The following AGAP1 variants were observed in gnomAD, a reference collection of about 807,000 sequenced individuals.
The protein encoded by AGAP1 is ArfGAP with GTPase domain, ankyrin repeat and PH domain 1.
AGAP1 carries 29 observed loss-of-function variants against 105.3 expected under a neutral mutation model. The ratio of observed to expected loss-of-function variants is 0.28; its 90% CI spans 0.21 to 0.38. The LOEUF (loss-of-function observed/expected upper bound fraction) is 0.38, where lower values mean the gene tolerates loss of function less well. Ranked by LOEUF, AGAP1 falls within the 10% of genes least tolerant of loss-of-function variation. AGAP1 has a pLI of 1.00. For missense variants in AGAP1, 998 were observed against 1,165.1 expected (o/e 0.86, Z 2.09); for synonymous variants, 509 against 485.9 (o/e 1.05, Z -0.63).
intron 16 of AGAP1, among the ~76,000 whole-genome samples, chr2:236,086,177 C>T (rs1332025977): frequency 6.6e-6 from 1 of 152,126 alleles, no homozygotes; most frequent in Non-Finnish European, 1.5e-5. Context: ...GTAAAGTATT[C>T]GGTGATTAAA....
Position 235,564,031 on chromosome 2 carries a change from G to A in AGAP1, c.163+69182G>A, listed in dbSNP as rs147321227. On this transcript the variant is annotated intron_variant, in intron 1 of 17. Coordinates refer to ENST00000304032, the MANE Select transcript of AGAP1 (RefSeq NM_001037131.3). Reference sequence around the variant, plus strand: ...TGTGGGAGAGTGCATGTGTCATGGCGAGTATGTGGCTCTGCGATTGGAGGA... The same window carrying A: ...TGTGGGAGAGTGCATGTGTCATGGCAAGTATGTGGCTCTGCGATTGGAGGA... Among the ~76,000 whole-genome samples the A allele has an allele frequency of 3.7e-4, 57 of 152,290 alleles. 1 individual carries two copies. The highest frequency in any genetic ancestry group is 7.9e-4 in the African/African-American group (33 of 41,556).
At chr2:236,106,764 C>T (rs867001869) in intron 16 of AGAP1, among the ~76,000 whole-genome samples, 5 of 152,250 alleles carry the variant, frequency 3.3e-5, no homozygotes, top group South Asian at 2.1e-4. Flanking sequence ...CTGCAGGTCT[C>T]GCAGGAGTAG....
chr2:235,902,638 A>G (rs2125004499), intron 10 of AGAP1, among the ~76,000 whole-genome samples: 1 of 152,340 alleles, frequency 6.6e-6, no homozygotes, highest in South Asian at 2.1e-4. Context: ...CAAGTTTGCC[A>G]CATACATAGA....
rs1291357333 is a variant in AGAP1 at position 235,874,408 on chromosome 2, C to T, written c.1051-8937C>T. Among the ~76,000 whole-genome samples, 1 of 152,200 alleles carries T rather than the reference C, an allele frequency of 6.6e-6. No homozygotes were observed. Among genetic ancestry groups the T allele is most frequent in the East Asian group, 1.9e-4 (1 of 5,186 alleles). On this transcript the variant is annotated intron_variant, in intron 9 of 17. Coordinates refer to ENST00000304032, the MANE Select transcript of AGAP1 (RefSeq NM_001037131.3). This position sits in a 1 kb window ranked among gnomAD's most constrained non-coding sequence, Gnocchi z 4.5. The stretch of plus-strand genomic sequence containing the variant: ...ACCTGGTGATGTAGAAGGAAGTTGG[C>T]TTAACTGGGGGCGCTGCAGCAGCTT...
chr2:235,908,640 G>A lies in AGAP1; in HGVS notation c.1156-98G>A. 1.7e-6 allele frequency: 2 copies of A among 1,151,084 alleles called. No homozygotes were observed. Among genetic ancestry groups the A allele is most frequent in the South Asian group, 1.6e-5 (1 of 61,552 alleles). The allele number at this position is 1,151,084 out of a possible 1,614,324, so 71.3% of individuals were successfully genotyped here. On this transcript the variant is annotated intron_variant, in intron 10 of 17. Transcript: ENST00000304032. The surrounding 1 kb of genome is among the most constrained non-coding windows in gnomAD (Gnocchi z 4.4). The stretch of plus-strand genomic sequence containing the variant: ...ACTTTCCACAGTGGAAGGGTCATAG[G>A]GTTTTAACTCATGACGTCTGATAGA...
At chr2:235,995,085 A>C (rs1446508078) in intron 13 of AGAP1, among the ~76,000 whole-genome samples, 10 of 149,952 alleles carry the variant, frequency 6.7e-5, no homozygotes, top group African/African-American at 2.4e-4. Flanking sequence ...AAAAAAAAAA[A>C]AAAAAAAAAC....
At position 235,882,016 on chromosome 2, in the gene AGAP1, T is replaced by G. The variant is rs1325392720; in HGVS notation, c.1051-1329T>G. ...TACAAATATAAGGTGAGAATACAGT[T>G]AATGCAGTTTGGGTTTTTCTGGGGT... On this transcript the variant is annotated intron_variant, in intron 9 of 17. Coordinates refer to ENST00000304032, the MANE Select transcript of AGAP1 (RefSeq NM_001037131.3). This position sits in a 1 kb window ranked among gnomAD's most constrained non-coding sequence, Gnocchi z 4.6. Among the ~76,000 whole-genome samples the G allele has an allele frequency of 1.3e-5, 2 of 152,204 alleles. No individual in the cohort carries two copies. The highest frequency in any genetic ancestry group is 4.8e-5 in the African/African-American group (2 of 41,468).
chr2:235,605,220 G>A lies in AGAP1; in HGVS notation c.164-103959G>A, dbSNP rs530964366. ...GATAACATTTAATAGTAATAAATAAGTGGTAATAAGTAATAAATAATAATT... is the reference window on the plus strand; with the variant it reads ...GATAACATTTAATAGTAATAAATAAATGGTAATAAGTAATAAATAATAATT... On this transcript the variant is annotated intron_variant, in intron 1 of 17. Transcript: ENST00000304032. Among the ~76,000 whole-genome samples the A allele has an allele frequency of 1.4e-4, 22 of 152,342 alleles. No homozygotes were observed. The South Asian group carries it at 4.3e-3, about 30-fold the overall frequency.
In AGAP1 at chr2:235,614,392, G is replaced by C. The variant is rs998099682; in HGVS notation, c.164-94787G>C. 3.3e-5 allele frequency among the ~76,000 whole-genome samples: 5 copies of C among 152,128 alleles called. No homozygotes were observed. Among genetic ancestry groups the C allele is most frequent in the African/African-American group, 1.2e-4 (5 of 41,430 alleles). On this transcript the variant is annotated intron_variant, in intron 1 of 17. Transcript: ENST00000304032. The surrounding 1 kb of genome is among the most constrained non-coding windows in gnomAD (Gnocchi z 4.7). ...TTCAGGTCTCAGATGGCATAGGAGT[G>C]TGTGTCATCCCAGAGGAGCAGCAGC...
At chr2:235,602,034 A>G (rs1945747159) in intron 1 of AGAP1, among the ~76,000 whole-genome samples, 1 of 152,190 alleles carries the variant, frequency 6.6e-6, no homozygotes, top group Admixed American at 6.5e-5. Context: ...CAAAATTCTC[A>G]GGATAAACAC....
intron 11 of AGAP1, among the ~76,000 whole-genome samples, chr2:235,918,800 G>C (rs2052026936): frequency 6.6e-6 from 1 of 152,090 alleles, no homozygotes; most frequent in Admixed American, 6.5e-5. Context: ...CTGTGGTCCT[G>C]AGCATTGGTG....
At chr2:235,873,639 TA>T (rs1270421936) in intron 9 of AGAP1, among the ~76,000 whole-genome samples, 1 of 152,184 alleles carries the variant, frequency 6.6e-6, no homozygotes, top group Non-Finnish European at 1.5e-5. Flanking sequence ...GCCTGTGTAA[TA>T]ATTTGGAGGC....
intron 13 of AGAP1, among the ~76,000 whole-genome samples, chr2:236,034,506 A>C (rs555202327): frequency 4.6e-5 from 7 of 152,160 alleles, no homozygotes; most frequent in African/African-American, 1.7e-4. Flanking sequence ...GTAGATTGGG[A>C]TAAAATTCCT....
In AGAP1 at chr2:235,843,688, C is replaced by G. The variant is rs1323063743; in HGVS notation, c.1050+36357C>G. ...ATCTCTGTTTTAAGGCCAGCTCTCC[C>G]TAGATGTGTAGCCACTGGGATCTTT... On this transcript the variant is annotated intron_variant, in intron 9 of 17. Coordinates refer to ENST00000304032, the MANE Select transcript of AGAP1 (RefSeq NM_001037131.3). The surrounding 1 kb of genome is among the most constrained non-coding windows in gnomAD (Gnocchi z 5.9). Among the ~76,000 whole-genome samples the G allele has an allele frequency of 6.6e-6, 1 of 152,194 alleles. No homozygotes were observed. Among genetic ancestry groups the G allele is most frequent in the Non-Finnish European group, 1.5e-5 (1 of 68,026 alleles).
At chr2:235,531,211 C>A (rs551927471) in intron 1 of AGAP1, among the ~76,000 whole-genome samples, 7 of 152,190 alleles carry the variant, frequency 4.6e-5, no homozygotes, top group Admixed American at 4.6e-4. Context: ...TGGAGCTCTC[C>A]TTTTTGCTGG....
intron 9 of AGAP1, among the ~76,000 whole-genome samples, chr2:235,850,376 T>A (rs1425262006): frequency 6.6e-6 from 1 of 152,236 alleles, no homozygotes; most frequent in Non-Finnish European, 1.5e-5. Context: ...TTTCTGTAGT[T>A]CTGAAAGGAG....
At chr2:236,041,301 G>T (rs563367902) in intron 15 of AGAP1, among the ~76,000 whole-genome samples, 2 of 149,486 alleles carry the variant, frequency 1.3e-5, no homozygotes, top group South Asian at 4.3e-4. Context: ...GAATATAATT[G>T]GTTCATTCCT....
intron 1 of AGAP1, among the ~76,000 whole-genome samples, chr2:235,651,663 G>C (rs1191516603): frequency 6.6e-6 from 1 of 152,182 alleles, no homozygotes; most frequent in Non-Finnish European, 1.5e-5. Flanking sequence ...GGCTGGGAGT[G>C]AGCAACGTTG....
At chr2:235,902,361 A>C (rs1294109979) in intron 10 of AGAP1, among the ~76,000 whole-genome samples, 1 of 152,114 alleles carries the variant, frequency 6.6e-6, no homozygotes, top group South Asian at 2.1e-4. Flanking sequence ...TTCCTCCTCT[A>C]CTACCTTAAA....
Sources: allele counts gnomAD v4.1 joint callset (sites outside exome capture counted in the v4.1 genomes callset), GRCh38; gene constraint gnomAD v4.1.1; non-coding constraint Gnocchi (gnomAD v3.1); transcripts MANE v1.5; gene names NCBI Gene and HGNC (gene_info 2026-07-23, HGNC 2026-07-21).